ST7: variants seen among roughly 807,000 people sequenced by gnomAD.
The protein encoded by ST7 is suppressor of tumorigenicity 7 protein.
Under a neutral mutation model 78.7 loss-of-function variants are expected in ST7, and 28 were observed. That is an observed-to-expected ratio of 0.36 (90% CI 0.26 to 0.49). The LOEUF (loss-of-function observed/expected upper bound fraction) is 0.49. ST7 is among the 20% of genes least tolerant of loss of function. The probability of loss-of-function intolerance (pLI) is 0.99; values close to 1 mark genes in which losing one functional copy is unlikely to be tolerated. For missense variants in ST7, 418 were observed against 696.0 expected, an observed-to-expected ratio of 0.60 and a Z score of 4.49; for synonymous variants, 247 against 249.6, an observed-to-expected ratio of 0.99 and a Z score of 0.10.
At chr7:117,223,164 G>A (rs1793221079) in intron 15 of ST7, 1 of 594,372 alleles carries the variant, frequency 1.7e-6, no homozygotes, top group Non-Finnish European at 3.0e-6. Context: ...TAAGCAACTA[G>A]GCCTTCAGTA....
intron 2 of ST7, among the ~76,000 whole-genome samples, chr7:117,101,410 G>A (rs1801558558): frequency 6.6e-6 from 1 of 152,148 alleles, no homozygotes; most frequent in African/African-American, 2.4e-5. Context: ...TACAAGAGAT[G>A]AGACTCTCAC....
chr7:117,097,754 A>AT (rs1313047273), intron 1 of ST7, among the ~76,000 whole-genome samples: 2 of 145,258 alleles, frequency 1.4e-5, no homozygotes, highest in South Asian at 2.2e-4. Context: ...TGCACATTTG[A>AT]TTTTTTTTCC....
rs750756935 is a variant in ST7, at chr7:117,190,880, A to G, written c.1198A>G (p.Met400Val). ...TCGGCGGGGGCTGAGCACAGCAGAGATGAATGCAGTAGAGGCCATTCATAG... is the reference window on the plus strand; with the variant it reads ...TCGGCGGGGGCTGAGCACAGCAGAGGTGAATGCAGTAGAGGCCATTCATAG... ...ASRRGLSTAEMNAVEAIHRAV... is the reference protein window; with the variant it reads ...ASRRGLSTAEVNAVEAIHRAV... Residue 400 changes from methionine (M) to valine (V), a missense_variant, in exon 12 of 16, where the codon ATG (methionine) becomes GTG (valine). Met to Val is a conservative substitution (Grantham distance 21). This residue lies in a region of ST7 where 288 missense variants were observed against 537.1 expected (regional missense o/e 0.54). Coordinates refer to ENST00000323984, the MANE Select transcript of ST7 (RefSeq NM_001369598.1). This position sits in a 1 kb window ranked among gnomAD's most constrained non-coding sequence, Gnocchi z 5.2. 4 of 1,614,102 alleles carry G rather than the reference A, an allele frequency of 2.5e-6. No homozygotes were observed. In the Admixed American group the frequency reaches 6.7e-5, roughly 27 times the overall value.
At chr7:117,025,198 G>A (rs1796126419) in intron 1 of ST7, among the ~76,000 whole-genome samples, 2 of 152,170 alleles carry the variant, frequency 1.3e-5, no homozygotes, top group African/African-American at 4.8e-5. Flanking sequence ...TGGGCCTGTT[G>A]TTTTGGTGTG....
At chr7:117,198,095 G>T (rs972172802) in intron 12 of ST7, among the ~76,000 whole-genome samples, 1 of 152,182 alleles carries the variant, frequency 6.6e-6, no homozygotes, top group Admixed American at 6.5e-5. Context: ...AATGACTCCC[G>T]TTACTTCCTG....
At chr7:117,094,919 AT>A (rs891807270) in intron 1 of ST7, among the ~76,000 whole-genome samples, 5 of 151,732 alleles carry the variant, frequency 3.3e-5, no homozygotes, top group East Asian at 1.9e-4. Context: ...AATAACTTTT[AT>A]TTTTTTTCCA....
rs143698899 is a variant in ST7 at position 117,089,963 on chromosome 7, A to G, written c.152-9799A>G. ...TTAGAGTTACCAGTCAAAGATTGAAATATGTTCTGGCCATTCTTTTTAAGG... is the reference window on the plus strand; with the variant it reads ...TTAGAGTTACCAGTCAAAGATTGAAGTATGTTCTGGCCATTCTTTTTAAGG... On this transcript the variant is annotated intron_variant, in intron 1 of 15. Transcript: ENST00000323984. Among the ~76,000 whole-genome samples the G allele has an allele frequency of 5.8e-4, 88 of 152,330 alleles. No homozygotes were observed. In the Middle Eastern group the frequency reaches 0.01, roughly 18 times the overall value.
intron 2 of ST7, chr7:117,112,439 C>T (rs1469597589): frequency 6.8e-6 from 1 of 147,224 alleles, no homozygotes; most frequent in Non-Finnish European, 1.5e-5. Flanking sequence ...TAAAAACAGA[C>T]ACAAAGTTTA....
chr7:116,964,419 T>A (rs973749192), intron 1 of ST7, among the ~76,000 whole-genome samples: 2 of 152,212 alleles, frequency 1.3e-5, no homozygotes, highest in African/African-American at 4.8e-5. Context: ...TGTTTTGCAA[T>A]TTATTACACC....
chr7:116,972,047 C>T (rs143961594), intron 1 of ST7: 5 of 465,020 alleles, frequency 1.1e-5, no homozygotes, highest in African/African-American at 2.0e-5. Context: ...GAGGCAAAAG[C>T]GGAAAGCAGC....
At chr7:116,972,670 T>G in intron 1 of ST7, 1 of 1,079,738 alleles carries the variant, frequency 9.3e-7, no homozygotes, top group Non-Finnish European at 1.4e-6. Flanking sequence ...AGCAGTTTTT[T>G]CCGCTTCTTC....
chr7:116,979,958 C>CTTTTTTTTTTTTTTTTTTTTTTTTTT (rs745530832), intron 1 of ST7, among the ~76,000 whole-genome samples: 26 of 86,240 alleles, frequency 3.0e-4, no homozygotes, highest in Admixed American at 3.9e-4. Flanking sequence ...TTTTGTTTCT[C>CTTTTTTTTTTTTTTTTTTTTTTTTTT]TTTTTTTTTT....
intron 10 of ST7, among the ~76,000 whole-genome samples, chr7:117,182,307 C>A (rs1211991489): frequency 6.6e-6 from 1 of 151,988 alleles, no homozygotes; most frequent in Non-Finnish European, 1.5e-5. Context: ...TGGAAGTTAG[C>A]CTTTAGTAAG....
At chr7:116,965,817 CAA>C (rs1264718543) in intron 1 of ST7, 5 of 166,586 alleles carry the variant, frequency 3.0e-5, no homozygotes, top group African/African-American at 1.2e-4. Flanking sequence ...AACCTAAATT[CAA>C]AGTTTGCATG....
At chr7:117,031,988 TCTC>T (rs1796624451) in intron 1 of ST7, among the ~76,000 whole-genome samples, 1 of 151,346 alleles carries the variant, frequency 6.6e-6, no homozygotes, top group South Asian at 2.1e-4. Flanking sequence ...TTCAAGCAAT[TCTC>T]CTGCCTCAGC....
rs73714394 is a variant in ST7, at chr7:117,208,682, A to G, written c.1255-1105A>G. On this transcript the variant is annotated intron_variant, in intron 12 of 15. Coordinates refer to ENST00000323984, the MANE Select transcript of ST7 (RefSeq NM_001369598.1). ...TTGTGCCATAGTCTCCATTCTGTAT[A>G]CCAGGACTCTTCTACCTTTCACTGT... Among the ~76,000 whole-genome samples, 1,513 of 152,292 alleles carry G rather than the reference A, an allele frequency of 9.9e-3. 30 individuals carry two copies. The highest frequency in any genetic ancestry group is 0.034 in the African/African-American group (1,428 of 41,558).
Position 116,958,795 on chromosome 7 carries a change from T to G in ST7, c.151+5104T>G. 7.9e-6 allele frequency: 3 copies of G among 382,054 alleles called. 1 individual carries two copies. The highest frequency in any genetic ancestry group is 6.1e-5 in the South Asian group (3 of 49,398). 23.7% of individuals were successfully genotyped at this position (382,054 alleles called of 1,614,324 possible). ...ATTATATCTAAAAGACCAATGTATA[T>G]ACCTTAATTTAAAAATCCTTTATTG... On this transcript the variant is annotated intron_variant, in intron 1 of 15. Transcript: ENST00000323984.
intron 15 of ST7, among the ~76,000 whole-genome samples, chr7:117,224,974 A>G (rs1035067399): frequency 5.3e-5 from 8 of 152,168 alleles, no homozygotes; most frequent in African/African-American, 1.9e-4. Flanking sequence ...CCACAACCGG[A>G]ACTTTCTTGG....
chr7:117,099,823 A>C lies in ST7; in HGVS notation c.213A>C (p.Ser71=), dbSNP rs567991907. ...KFYVALTGTS[S]LISGLILIFE... is the part of the protein sequence containing the mutation. ...ACGTGGCCCTAACAGGCACTTCCTC[A>C]CTAATATCAGGGCTTATTTTGGTAA... Residue 71 remains serine, a synonymous_variant, in exon 2 of 16, where the codon TCA becomes TCC. Coordinates refer to ENST00000323984, the MANE Select transcript of ST7 (RefSeq NM_001369598.1). 6.2e-7 allele frequency: 1 copy of C among 1,613,550 alleles called. No individual in the cohort carries two copies. The highest frequency in any genetic ancestry group is 1.1e-5 in the South Asian group (1 of 90,992).
Sources: allele counts gnomAD v4.1 joint callset (sites outside exome capture counted in the v4.1 genomes callset), GRCh38; gene constraint gnomAD v4.1.1; regional missense constraint gnomAD v4.1.1; non-coding constraint Gnocchi (gnomAD v3.1); transcripts MANE v1.5; gene names NCBI Gene and HGNC (gene_info 2026-07-23, HGNC 2026-07-21).